CDH23: variants seen among roughly 807,000 people sequenced by gnomAD.
CDH23 encodes the protein cadherin-23.
CDH23 carries 189 observed loss-of-function variants against 317.1 expected under a neutral mutation model. The observed-to-expected ratio is 0.60, with a 90% CI of 0.53 to 0.67. The LOEUF (loss-of-function observed/expected upper bound fraction) is 0.67, where lower values mean the gene tolerates loss of function less well. Among genes scored for constraint, CDH23 ranks in the 30% least tolerant of loss-of-function variants. The probability of loss-of-function intolerance (pLI) is 0.00; values close to 1 mark genes in which losing one functional copy is unlikely to be tolerated. For synonymous variants in CDH23, 1,839 were observed against 1,876.8 expected (o/e 0.98, Z 0.52); for missense variants, 4,401 against 4,592.4 (o/e 0.96, Z 1.20).
At chr10:71,676,535 G>A (rs1390806808) in intron 15 of CDH23, among the ~76,000 whole-genome samples, 3 of 152,150 alleles carry the variant, frequency 2.0e-5, no homozygotes, top group Admixed American at 2.0e-4. Context: ...GCTGAGGCAG[G>A]AGACTGGTAT....
chr10:71,772,423 G>T (rs1049209256), intron 38 of CDH23, among the ~76,000 whole-genome samples: 4 of 152,194 alleles, frequency 2.6e-5, no homozygotes, highest in African/African-American at 7.2e-5. Flanking sequence ...TGGTTCCACA[G>T]GCTCTTTGAA....
chr10:71,704,189 C>T (rs972819275), intron 24 of CDH23, among the ~76,000 whole-genome samples: 2 of 152,180 alleles, frequency 1.3e-5, no homozygotes, highest in Non-Finnish European at 2.9e-5. Flanking sequence ...ATATTGTCTC[C>T]CAATCCTGAG....
At chr10:71,711,981 C>G (rs1409546895) in intron 27 of CDH23, 1 of 152,264 alleles carries the variant, frequency 6.6e-6, no homozygotes, top group Non-Finnish European at 1.5e-5. Context: ...GAAGTGTATT[C>G]TCTCCTGGTT....
intron 6 of CDH23, among the ~76,000 whole-genome samples, chr10:71,556,763 C>T (rs1230596835): frequency 2.0e-5 from 3 of 152,118 alleles, no homozygotes; most frequent in Non-Finnish European, 2.9e-5. Flanking sequence ...CATTCTTTAC[C>T]ACTCCTGCTT....
intron 11 of CDH23, among the ~76,000 whole-genome samples, chr10:71,619,333 A>G (rs1312126188): frequency 6.6e-6 from 1 of 152,042 alleles, no homozygotes; most frequent in Non-Finnish European, 1.5e-5. Context: ...TCAAAAAAAA[A>G]AAAACCCCAA....
intron 3 of CDH23, among the ~76,000 whole-genome samples, chr10:71,483,323 T>C (rs1852170307): frequency 6.6e-6 from 1 of 152,170 alleles, no homozygotes; most frequent in African/African-American, 2.4e-5. Context: ...GGGTTGAACT[T>C]TTTGGGGAGC....
chr10:71,445,611 G>A (rs565341523), intron 2 of CDH23, among the ~76,000 whole-genome samples: 10 of 152,218 alleles, frequency 6.6e-5, no homozygotes, highest in Non-Finnish European at 1.5e-4. Flanking sequence ...GGCCAAGGCA[G>A]GAGGATTGCT....
At chr10:71,572,115 G>T (rs2082028857) in intron 8 of CDH23, among the ~76,000 whole-genome samples, 1 of 152,238 alleles carries the variant, frequency 6.6e-6, no homozygotes, top group Non-Finnish European at 1.5e-5. Flanking sequence ...CTACTGTTGA[G>T]TGTTTGAAGC....
At chr10:71,542,611 C>T (rs1253422971) in intron 6 of CDH23, among the ~76,000 whole-genome samples, 1 of 152,176 alleles carries the variant, frequency 6.6e-6, no homozygotes, top group Admixed American at 6.5e-5. Flanking sequence ...AGGCTGAGCT[C>T]AGCAGGCGCC....
rs113208654 is a variant in CDH23, at chr10:71,455,354, G to GT, written c.145+8969dup. Among the ~76,000 whole-genome samples, 855 of 148,110 alleles carry GT rather than the reference G, an allele frequency of 5.8e-3. 7 individuals carry two copies. Among genetic ancestry groups the GT allele is most frequent in the African/African-American group, 0.013 (525 of 40,522 alleles). Reference sequence around the variant, plus strand: ...AAATTTTATCAACTTTCCCACTAATGTTTTTTTTTTCTGCAATTAAGATGA... The same window carrying GT: ...AAATTTTATCAACTTTCCCACTAATGTTTTTTTTTTTCTGCAATTAAGATGA... On this transcript the variant is annotated intron_variant, in intron 3 of 69. Coordinates refer to ENST00000224721, the MANE Select transcript of CDH23 (RefSeq NM_022124.6).
At chr10:71,766,823 G>A (rs763231976) in intron 38 of CDH23, among the ~76,000 whole-genome samples, 2 of 152,142 alleles carry the variant, frequency 1.3e-5, no homozygotes, top group Non-Finnish European at 2.9e-5. Flanking sequence ...CAGACAGGAA[G>A]AGCCACCCAC....
At chr10:71,787,938 T>C (rs1325908241) in intron 44 of CDH23, among the ~76,000 whole-genome samples, 3 of 152,260 alleles carry the variant, frequency 2.0e-5, no homozygotes, top group African/African-American at 7.2e-5. Flanking sequence ...AGGGTAATTC[T>C]GTCTTTAGTT....
intron 14 of CDH23, among the ~76,000 whole-genome samples, chr10:71,654,974 C>T (rs1293781888): frequency 2.6e-5 from 4 of 152,254 alleles, no homozygotes; most frequent in Non-Finnish European, 4.4e-5. Flanking sequence ...ATGGAGAGAA[C>T]GTCCAAGAAT....
chr10:71,484,914 A>G (rs1852261719), intron 3 of CDH23, among the ~76,000 whole-genome samples: 2 of 152,020 alleles, frequency 1.3e-5, no homozygotes, highest in South Asian at 4.3e-4. Flanking sequence ...TGTACACACT[A>G]AAGGGCTGTG....
intron 1 of CDH23, among the ~76,000 whole-genome samples, chr10:71,403,448 CCTTCCTTTCCTTCCTT>C (rs1409356394): frequency 4.8e-5 from 3 of 62,420 alleles, no homozygotes; most frequent in South Asian, 5.3e-4. Flanking sequence ...TTCCTTCCTT[CCTTCCTTTCCTTCCTT>C]CCTTCCTTCC....
At chr10:71,767,239 G>A (rs142209136) in intron 38 of CDH23, among the ~76,000 whole-genome samples, 5 of 152,348 alleles carry the variant, frequency 3.3e-5, no homozygotes, top group Non-Finnish European at 5.9e-5. Flanking sequence ...CTGTGAGTGT[G>A]CACGGGATGG....
intron 38 of CDH23, chr10:71,752,831 A>G (rs1404236288): frequency 2.0e-6 from 2 of 980,728 alleles, no homozygotes; most frequent in East Asian, 2.7e-5. Context: ...ATCTGCACAG[A>G]TGTGCAGGCT....
In CDH23 at chr10:71,556,998, C is replaced by T. The variant is rs1216594220; in HGVS notation, c.430-9744C>T. Among the ~76,000 whole-genome samples, 4 of 152,174 alleles carry T rather than the reference C, an allele frequency of 2.6e-5. No individual in the cohort carries two copies. In the East Asian group the frequency reaches 5.8e-4, roughly 22 times the overall value. On this transcript the variant is annotated intron_variant, in intron 6 of 69. Coordinates refer to ENST00000224721, the MANE Select transcript of CDH23 (RefSeq NM_022124.6). The stretch of plus-strand genomic sequence containing the variant: ...CTGAACCCTACTCTTAACATATATA[C>T]ACCCTACACAAACATCCTACTCATA...
intron 11 of CDH23, among the ~76,000 whole-genome samples, chr10:71,628,897 A>G (rs1185989125): frequency 1.3e-5 from 2 of 152,224 alleles, no homozygotes; most frequent in Non-Finnish European, 2.9e-5. Context: ...TAGTGCTAGC[A>G]TCAACACACG....
Sources: gnomAD v4.1 joint callset for allele counts (sites outside exome capture counted in the v4.1 genomes callset) on GRCh38, gnomAD v4.1.1 for gene constraint, MANE v1.5 for transcripts, NCBI Gene and HGNC (gene_info 2026-07-23, HGNC 2026-07-21) for gene names.